CHL1: variants seen among roughly 807,000 people sequenced by gnomAD.
CHL1 encodes the protein neural cell adhesion molecule L1-like protein.
In CHL1, 96 loss-of-function variants were observed where a neutral mutation model predicts 141.9. The ratio of observed to expected loss-of-function variants is 0.68; its 90% CI spans 0.57 to 0.80. CHL1 has a LOEUF of 0.80. Ranked by LOEUF, CHL1 falls within the 30% of genes least tolerant of loss-of-function variation. The pLI, the probability that CHL1 is intolerant of heterozygous loss-of-function variation, is 0.00. For synonymous variants in CHL1, 613 were observed against 502.2 expected, an observed-to-expected ratio of 1.22 and a Z score of -2.95; for missense variants, 1,820 against 1,457.2, an observed-to-expected ratio of 1.25 and a Z score of -4.05.
intron 3 of CHL1, 80 bp from the exon 4 acceptor site, chr3:325,879 G>A: frequency 1.2e-6 from 1 of 845,464 alleles, no homozygotes; most frequent in Non-Finnish European, 1.9e-6. Flanking sequence ...ATACAAAAGA[G>A]GTTTAAAGTG....
intron 1 of CHL1, among the ~76,000 whole-genome samples, chr3:242,340 T>C (rs1228433072): frequency 1.3e-5 from 2 of 150,762 alleles, no homozygotes; most frequent in South Asian, 2.1e-4. Flanking sequence ...CTCACGCCTG[T>C]AATCCCAGCA....
chr3:214,583 A>T (rs1700156039), intron 1 of CHL1, among the ~76,000 whole-genome samples: 1 of 152,290 alleles, frequency 6.6e-6, no homozygotes, highest in African/African-American at 2.4e-5. Flanking sequence ...ATTGCATTTT[A>T]ATTACATTTA....
chr3:258,198 T>C (rs772762554), intron 2 of CHL1, among the ~76,000 whole-genome samples: 6 of 152,208 alleles, frequency 3.9e-5, no homozygotes, highest in Non-Finnish European at 8.8e-5. Context: ...TGACCTCTGG[T>C]TTGAAAGGCC....
chr3:397,100 T>C (rs1173890613), intron 24 of CHL1, among the ~76,000 whole-genome samples: 3 of 152,176 alleles, frequency 2.0e-5, no homozygotes, highest in African/African-American at 7.2e-5. Context: ...GGGGAAAAGA[T>C]GGAGTTAATC....
At chr3:335,967 A>G (rs960850755) in intron 5 of CHL1, among the ~76,000 whole-genome samples, 1 of 152,220 alleles carries the variant, frequency 6.6e-6, no homozygotes, top group Admixed American at 6.5e-5. Context: ...GCTTGCTCCT[A>G]TTTTAATCGA....
intron 2 of CHL1, among the ~76,000 whole-genome samples, chr3:276,244 T>C (rs1366955672): frequency 2.6e-5 from 4 of 152,190 alleles, no homozygotes; most frequent in African/African-American, 9.7e-5. Context: ...GCACCACCAA[T>C]CATATTGTAT....
intron 26 of CHL1, among the ~76,000 whole-genome samples, chr3:400,481 GAA>G (rs10711916): frequency 2.0e-5 from 3 of 150,830 alleles, no homozygotes; most frequent in South Asian, 4.2e-4. Flanking sequence ...GCCCTAAAAA[GAA>G]AAAAAAAATT....
At position 349,560 on chromosome 3, in the gene CHL1, G is replaced by C; in HGVS notation, c.1033+17G>C. On this transcript the variant is annotated intron_variant, in intron 10 of 27. Coordinates refer to ENST00000256509, the MANE Select transcript of CHL1 (RefSeq NM_006614.4). ...TAGTAGAAGGTACCTTTCCCATGTT[G>C]GTCTATTTCTCTGCTTTTCAAAAAA... 6.3e-7 allele frequency: 1 copy of C among 1,599,442 alleles called. No homozygotes were observed. The highest frequency in any genetic ancestry group is 8.5e-7 in the Non-Finnish European group (1 of 1,173,302).
chr3:317,569 C>T lies in CHL1; in HGVS notation c.-94-2114C>T, dbSNP rs79185595. Among the ~76,000 whole-genome samples, 765 of 149,596 alleles carry T rather than the reference C, an allele frequency of 5.1e-3. 6 individuals are homozygous for T. The highest frequency in any genetic ancestry group is 0.018 in the African/African-American group (721 of 40,618). On this transcript the variant is annotated intron_variant, in intron 2 of 27. Coordinates refer to ENST00000256509, the MANE Select transcript of CHL1 (RefSeq NM_006614.4). ...CATCAGCATTGAAAACTAATGGAACCGAGTATTAAATAATAACTAGATTGC... is the reference window on the plus strand; with the variant it reads ...CATCAGCATTGAAAACTAATGGAACTGAGTATTAAATAATAACTAGATTGC...
chr3:390,931 A>T (rs1559350196), intron 21 of CHL1, 24 bp from the exon 22 acceptor site: 1 of 1,603,572 alleles, frequency 6.2e-7, no homozygotes, highest in Non-Finnish European at 8.5e-7. Context: ...TGGATATACT[A>T]AAAGATTTTG....
chr3:353,204 T>G (rs1243485802), intron 10 of CHL1, among the ~76,000 whole-genome samples: 1 of 152,236 alleles, frequency 6.6e-6, no homozygotes, highest in Non-Finnish European at 1.5e-5. Context: ...AATATCATTA[T>G]TGCTTGATTT....
chr3:229,591 G>A (rs1037483299), intron 1 of CHL1, among the ~76,000 whole-genome samples: 1 of 151,968 alleles, frequency 6.6e-6, no homozygotes, highest in African/African-American at 2.4e-5. Context: ...TTGTGTATTC[G>A]GAAGAATTAG....
At chr3:366,327 C>A (rs111527018) in intron 15 of CHL1, among the ~76,000 whole-genome samples, 38 of 151,972 alleles carry the variant, frequency 2.5e-4, no homozygotes, top group African/African-American at 7.5e-4. Context: ...AAAAATTAGC[C>A]GGGCATGATG....
intron 1 of CHL1, among the ~76,000 whole-genome samples, chr3:237,836 T>C (rs1280032505): frequency 3.3e-5 from 5 of 152,182 alleles, no homozygotes; most frequent in South Asian, 2.1e-4. Flanking sequence ...GGAGAGTCAA[T>C]ATCTGTGATT....
intron 16 of CHL1, among the ~76,000 whole-genome samples, chr3:380,785 A>G (rs1372587102): frequency 1.3e-5 from 2 of 152,228 alleles, no homozygotes; most frequent in African/African-American, 2.4e-5. Flanking sequence ...TTCTATAACC[A>G]TAAGACCTAA....
rs373196122 is a variant in CHL1, at chr3:390,799, C to T, written c.2569C>T (p.Arg857Cys). 41 of 1,602,812 alleles carry T rather than the reference C, an allele frequency of 2.6e-5. No individual in the cohort carries two copies. Among genetic ancestry groups the T allele is most frequent in the East Asian group, 2.0e-4 (9 of 44,816 alleles). Reference sequence around the variant, plus strand: ...AGTTCCAAAGGACAGAGTACATGGACGTCTGAAAGGCTATCAGGTTTTTAT... The same window carrying T: ...AGTTCCAAAGGACAGAGTACATGGATGTCTGAAAGGCTATCAGGTTTTTAT... ...STVPKDRVHG[R>C]LKGYQINWWK... Residue 857 changes from arginine (R) to cysteine (C), a missense_variant, in exon 21 of 28, where the codon CGT becomes TGT. Physicochemically the swap from Arg to Cys is radical, Grantham distance 180. Coordinates refer to ENST00000256509, the MANE Select transcript of CHL1 (RefSeq NM_006614.4).
At chr3:212,864 C>G (rs1221152552) in intron 1 of CHL1, among the ~76,000 whole-genome samples, 1 of 152,222 alleles carries the variant, frequency 6.6e-6, no homozygotes, top group Non-Finnish European at 1.5e-5. Context: ...AGACATTCCC[C>G]TAAACTCACC....
intron 15 of CHL1, chr3:376,407 G>A (rs746483679): frequency 7.7e-6 from 4 of 516,740 alleles, no homozygotes; most frequent in Non-Finnish European, 1.5e-5. Context: ...GCTGGAACAC[G>A]ACATTTTTAA....
chr3:281,018 T>G (rs769522464), intron 2 of CHL1, among the ~76,000 whole-genome samples: 2 of 152,126 alleles, frequency 1.3e-5, no homozygotes, highest in African/African-American at 2.4e-5. Context: ...TGGGGTTATT[T>G]TTTTCCCCTA....
Sources: gnomAD v4.1 joint callset for allele counts (sites outside exome capture counted in the v4.1 genomes callset) on GRCh38, gnomAD v4.1.1 for gene constraint, MANE v1.5 for transcripts, NCBI Gene and HGNC (gene_info 2026-07-23, HGNC 2026-07-21) for gene names.